The following MFGE8 variants were observed in gnomAD, a reference collection of about 807,000 sequenced individuals.
MFGE8 encodes the protein milk fat globule EGF and factor V/VIII domain containing, also known as lactadherin.
Under a neutral mutation model 42.6 loss-of-function variants are expected in MFGE8, and 34 were observed. The observed-to-expected ratio is 0.80, with a 90% CI of 0.61 to 1.06. MFGE8 has a LOEUF of 1.06. Among genes scored for constraint, MFGE8 ranks in the 50% least tolerant of loss-of-function variants. The pLI is 0.00. For synonymous variants in MFGE8, 230 were observed against 214.8 expected (o/e 1.07, Z -0.62); for missense variants, 510 against 516.9 (o/e 0.99, Z 0.13).
rs1899053285 is a variant in MFGE8, at chr15:88,913,246, C to T, written c.73+1G>A. Reference sequence around the variant, plus strand: ...GGCAGAGGGCGGCGCGATCCACTCACCCAGGGCGACGAGGAGGCTGGGGGC... The same window carrying T: ...GGCAGAGGGCGGCGCGATCCACTCATCCAGGGCGACGAGGAGGCTGGGGGC... On this transcript the variant is annotated splice_donor_variant, in intron 1 of 7. Coordinates refer to ENST00000268150, the MANE Select transcript of MFGE8 (RefSeq NM_005928.4). LOFTEE classifies it high-confidence loss of function. 4.7e-6 allele frequency: 7 copies of T among 1,505,204 alleles called. No homozygotes were observed. Among genetic ancestry groups the T allele is most frequent in the Non-Finnish European group, 6.2e-6 (7 of 1,134,864 alleles). The allele number at this position is 1,505,204 out of a possible 1,614,324, so 93.2% of individuals were successfully genotyped here.
chr15:88,907,125 C>A (rs1898719677), intron 3 of MFGE8, 70 bp downstream of exon 3: 14 of 1,527,730 alleles, frequency 9.2e-6, no homozygotes, highest in South Asian at 2.4e-5. Context: ...CCTGGGGTAA[C>A]CCCCAAATGC....
chr15:88,901,195 T>TCA lies in MFGE8; in HGVS notation c.870+354_870+355dup, dbSNP rs1321417814. On this transcript the variant is annotated intron_variant, in intron 6 of 7. Transcript: ENST00000268150. ...CATTCTCACACATTCACACACACAT[T>TCA]CACACATTCACACACACACATTCAC... Among the ~76,000 whole-genome samples the TCA allele has an allele frequency of 6.5e-5, 4 of 61,676 alleles. 1 individual carries two copies. Among genetic ancestry groups the TCA allele is most frequent in the Admixed American group, 4.5e-4 (3 of 6,634 alleles). The allele number at this position is 61,676 out of a possible 152,430, so 40.5% of individuals were successfully genotyped here.
chr15:88,899,489 A>C lies in MFGE8; in HGVS notation c.1070T>G (p.Leu357Trp). ...NWDNHSHKKN[L>W]FETPILARYV... ...GCGAGCCAGGATGGGCGTCTCAAACAAGTTCTTCTTGTGGGAGTGGTTGTC... is the reference window on the plus strand; with the variant it reads ...GCGAGCCAGGATGGGCGTCTCAAACCAGTTCTTCTTGTGGGAGTGGTTGTC... The change falls in exon 8 of 8, where the codon TTG (leucine) becomes TGG (tryptophan). Residue 357 changes from leucine to tryptophan, a missense_variant. By Grantham distance (61) the Leu-to-Trp change is moderately conservative. Coordinates refer to ENST00000268150, the MANE Select transcript of MFGE8 (RefSeq NM_005928.4). This position sits in a 1 kb window ranked among gnomAD's most constrained non-coding sequence, Gnocchi z 6.8. The C allele has an allele frequency of 6.2e-7, 1 of 1,614,104 alleles. No individual in the cohort carries two copies. Among genetic ancestry groups the C allele is most frequent in the Non-Finnish European group, 8.5e-7 (1 of 1,180,030 alleles).
intron 1 of MFGE8, chr15:88,910,277 T>C: frequency 5.8e-6 from 2 of 346,612 alleles, no homozygotes; most frequent in South Asian, 4.7e-5. Flanking sequence ...GCAGGTCTCT[T>C]GGCAGCAGTT....
rs550974940 is a variant in MFGE8 at position 88,911,428 on chromosome 15, A to T, written c.74-1505T>A. 8.5e-5 allele frequency among the ~76,000 whole-genome samples: 13 copies of T among 152,332 alleles called. No individual in the cohort carries two copies. The East Asian group carries it at 2.5e-3, about 29-fold the overall frequency. ...TGTCATTTGGAGCAAGACATGAGAC[A>T]TCTTTTTGCCTTGGCCGGGCATGGT... On this transcript the variant is annotated intron_variant, in intron 1 of 7. Coordinates refer to ENST00000268150, the MANE Select transcript of MFGE8 (RefSeq NM_005928.4).
In MFGE8 at chr15:88,913,278, C is replaced by G. The variant is rs751103139; in HGVS notation, c.42G>C (p.Leu14=). Residue 14 remains leucine, a synonymous_variant, in exon 1 of 8, where the codon CTG becomes CTC. Coordinates refer to ENST00000268150, the MANE Select transcript of MFGE8 (RefSeq NM_005928.4). The part of the protein sequence containing the change: ...PRLLAALCGA[L]LCAPSLLVAL... ...CGACGAGGAGGCTGGGGGCGCAGAG[C>G]AGCGCGCCGCACAGCGCGGCCAGCA... 1 of 1,494,732 alleles carries G rather than the reference C, an allele frequency of 6.7e-7. No individual in the cohort carries two copies. The highest frequency in any genetic ancestry group is 1.3e-5 in the South Asian group (1 of 79,568). 92.6% of individuals were successfully genotyped at this position (1,494,732 alleles called of 1,614,324 possible). A position where few individuals can be genotyped will look rare whatever the true frequency, so the allele number is the denominator to read the frequency against.
chr15:88,912,779 T>C lies in MFGE8; in HGVS notation c.73+468A>G, dbSNP rs557966803. ...CCCTTATGTGACCAGGCACGGACAA[T>C]TGGGAGCGCAAAAATCCAATGAACT... On this transcript the variant is annotated intron_variant, in intron 1 of 7. Coordinates refer to ENST00000268150, the MANE Select transcript of MFGE8 (RefSeq NM_005928.4). 3.1e-5 allele frequency: 31 copies of C among 985,346 alleles called. No homozygotes were observed. The East Asian group carries it at 9.1e-4, about 29-fold the overall frequency. The allele number at this position is 985,346 out of a possible 1,614,324, so 61.0% of individuals were successfully genotyped here.
In MFGE8 at chr15:88,907,265, G is replaced by C. The variant is rs773078746; in HGVS notation, c.317C>G (p.Ala106Gly). The C allele has an allele frequency of 6.2e-7, 1 of 1,614,158 alleles. No homozygotes were observed. ...GACCATGCCTGCGCGGTTCAGGCGGGCCAGCTCCGGGACCCAATGCTGCAA... is the reference window on the plus strand; with the variant it reads ...GACCATGCCTGCGCGGTTCAGGCGGCCCAGCTCCGGGACCCAATGCTGCAA... ...LGLQHWVPELARLNRAGMVNA... is the reference protein window; with the variant it reads ...LGLQHWVPELGRLNRAGMVNA... The change falls in exon 3 of 8, where the codon GCC becomes GGC. Residue 106 changes from alanine (A) to glycine (G), a missense_variant. Coordinates refer to ENST00000268150, the MANE Select transcript of MFGE8 (RefSeq NM_005928.4).
intron 2 of MFGE8, 150 bp downstream of exon 2, chr15:88,909,642 C>G: frequency 8.8e-7 from 1 of 1,131,012 alleles, no homozygotes; most frequent in Non-Finnish European, 1.3e-6. Flanking sequence ...CTCTGTCTCT[C>G]TCTCTGAGTC....
chr15:88,913,311 G>A lies in MFGE8; in HGVS notation c.9C>T (p.Arg3=), dbSNP rs1172332879. 2 of 1,457,614 alleles carry A rather than the reference G, an allele frequency of 1.4e-6. No homozygotes were observed. Among genetic ancestry groups the A allele is most frequent in the Non-Finnish European group, 1.8e-6 (2 of 1,115,608 alleles). 90.3% of individuals were successfully genotyped at this position (1,457,614 alleles called of 1,614,324 possible). A position where few individuals can be genotyped will look rare whatever the true frequency, so the allele number is the denominator to read the frequency against. Residue 3 remains arginine (R), a synonymous_variant, in exon 1 of 8, where the codon CGC becomes CGT. Coordinates refer to ENST00000268150, the MANE Select transcript of MFGE8 (RefSeq NM_005928.4). ...CGCACAGCGCGGCCAGCAGGCGGGG[G>A]CGCGGCATGCTGCGGGGACGCGGGC... MP[R]PRLLAALCGA... is the part of the protein sequence containing the mutation.
intron 1 of MFGE8, 120 bp from the exon 2 acceptor site, chr15:88,910,043 TC>T: frequency 8.0e-7 from 1 of 1,246,624 alleles, no homozygotes; most frequent in Non-Finnish European, 1.2e-6. Flanking sequence ...CATTATCTCT[TC>T]CTCTCCCTCT....
chr15:88,905,234 G>T lies in MFGE8; in HGVS notation c.685+523C>A. On this transcript the variant is annotated intron_variant, in intron 5 of 7. Transcript: ENST00000268150. The surrounding 1 kb of genome is among the most constrained non-coding windows in gnomAD (Gnocchi z 6.6). ...AAGCTCTGGATGGGTGTGGTCGGGA[G>T]CCCAGAGATCTAGACCAAGTCTTAA... 3.0e-6 allele frequency: 1 copy of T among 334,110 alleles called. No individual in the cohort carries two copies. Among genetic ancestry groups the T allele is most frequent in the Non-Finnish European group, 5.8e-6 (1 of 171,786 alleles). 20.7% of individuals were successfully genotyped at this position (334,110 alleles called of 1,614,324 possible).
At chr15:88,913,095 G>A (rs1899043930) in intron 1 of MFGE8, 152 bp downstream of exon 1, 3 of 1,316,834 alleles carry the variant, frequency 2.3e-6, no homozygotes, top group Non-Finnish European at 2.9e-6. Context: ...TCCCGCCAGG[G>A]CGCAGCGGAA....
chr15:88,902,076 C>T lies in MFGE8; in HGVS notation c.686-341G>A, dbSNP rs570613220. The T allele has an allele frequency of 2.1e-4, 75 of 363,834 alleles. No homozygotes were observed. Among genetic ancestry groups the T allele is most frequent in the South Asian group, 1.8e-3 (75 of 42,012 alleles). 22.5% of individuals were successfully genotyped at this position (363,834 alleles called of 1,614,324 possible). ...TTTGGAGACACCTCCTCCAAGAAGT[C>T]TGCCCTGACTACTTCACTTGGGCAG... On this transcript the variant is annotated intron_variant, in intron 5 of 7. Transcript: ENST00000268150. This position sits in a 1 kb window ranked among gnomAD's most constrained non-coding sequence, Gnocchi z 4.3.
Position 88,902,164 on chromosome 15 carries a change from TG to T in MFGE8, c.686-430del. The T allele has an allele frequency of 1.3e-5, 3 of 224,472 alleles. No individual in the cohort carries two copies. Among genetic ancestry groups the T allele is most frequent in the Admixed American group, 5.0e-5 (1 of 19,820 alleles). 13.9% of individuals were successfully genotyped at this position (224,472 alleles called of 1,614,324 possible). ...TCGCCTCGGCCTCCCATCCGTCCCA[TG>T]GCACAGTCACTATCTACTTTAATAA... On this transcript the variant is annotated intron_variant, in intron 5 of 7. Transcript: ENST00000268150. This position sits in a 1 kb window ranked among gnomAD's most constrained non-coding sequence, Gnocchi z 4.3.
At position 88,901,528 on chromosome 15, in the gene MFGE8, ATAT is replaced by A; in HGVS notation, c.870+20_870+22del. On this transcript the variant is annotated intron_variant, in intron 6 of 7. Coordinates refer to ENST00000268150, the MANE Select transcript of MFGE8 (RefSeq NM_005928.4). ...CCTCATCCCACCCAACCCCAGCCCC[ATAT>A]CCCAAGAAGGCTGACCCACCTGCAG... 1 of 1,115,248 alleles carries A rather than the reference ATAT, an allele frequency of 9.0e-7. No homozygotes were observed. The highest frequency in any genetic ancestry group is 1.3e-6 in the Non-Finnish European group (1 of 766,842). 69.1% of individuals were successfully genotyped at this position (1,115,248 alleles called of 1,614,324 possible).
intron 2 of MFGE8, among the ~76,000 whole-genome samples, chr15:88,909,260 C>T (rs1431342390): frequency 2.0e-5 from 3 of 152,216 alleles, no homozygotes; most frequent in Admixed American, 6.5e-5. Context: ...CACCTGACCG[C>T]GTGGGGATGG....
chr15:88,909,640 C>A, intron 2 of MFGE8, 152 bp downstream of exon 2: 1 of 1,116,332 alleles, frequency 9.0e-7, no homozygotes, highest in Non-Finnish European at 1.3e-6. Flanking sequence ...GGCTCTGTCT[C>A]TCTCTCTGAG....
At position 88,901,749 on chromosome 15, in the gene MFGE8, G is replaced by A. The variant is rs1448347245; in HGVS notation, c.686-14C>T. The A allele has an allele frequency of 1.9e-6, 3 of 1,613,812 alleles. No individual in the cohort carries two copies. Among genetic ancestry groups the A allele is most frequent in the Non-Finnish European group, 2.5e-6 (3 of 1,179,924 alleles). ...GATTGGCGCATCCTGCCAGCAAGGT[G>A]GGCTGTCATCTGGATCTGGGATCCA... On this transcript the variant is annotated splice_polypyrimidine_tract_variant and intron_variant, in intron 5 of 7. Transcript: ENST00000268150.
Sources: gnomAD v4.1 joint callset for allele counts (sites outside exome capture counted in the v4.1 genomes callset) on GRCh38, gnomAD v4.1.1 for gene constraint, Gnocchi (gnomAD v3.1) non-coding constraint, MANE v1.5 for transcripts, NCBI Gene and HGNC (gene_info 2026-07-23, HGNC 2026-07-21) for gene names.